ANAPC1: variants seen among roughly 807,000 people sequenced by gnomAD.
ANAPC1 encodes anaphase promoting complex subunit 1.
ANAPC1 carries 36 observed loss-of-function variants against 208.0 expected under a neutral mutation model. The ratio of observed to expected loss-of-function variants is 0.17; its 90% CI spans 0.13 to 0.23. The LOEUF (loss-of-function observed/expected upper bound fraction) is 0.23, where lower values mean the gene tolerates loss of function less well. Ranked by LOEUF, ANAPC1 falls within the 10% of genes least tolerant of loss-of-function variation. The pLI is 1.00. For synonymous variants in ANAPC1, 378 were observed against 695.2 expected, an observed-to-expected ratio of 0.54 and a Z score of 7.18; for missense variants, 942 against 2,011.6, an observed-to-expected ratio of 0.47 and a Z score of 10.17.
chr2:111,864,327 A>G (rs868064984), intron 8 of ANAPC1, among the ~76,000 whole-genome samples: 1 of 111,648 alleles, frequency 9.0e-6, no homozygotes, highest in Non-Finnish European at 1.9e-5. Flanking sequence ...CCCTGTCTCT[A>G]GAGATGATGA....
intron 13 of ANAPC1, among the ~76,000 whole-genome samples, chr2:111,855,886 C>CATA (rs1253098237): frequency 6.6e-6 from 1 of 152,088 alleles, no homozygotes; most frequent in Non-Finnish European, 1.5e-5. Context: ...ATTTAAATTT[C>CATA]ATAATTTAAA....
At chr2:111,794,157 A>T in intron 36 of ANAPC1, 26 bp from the exon 37 acceptor site, 1 of 1,467,134 alleles carries the variant, frequency 6.8e-7, no homozygotes, top group Non-Finnish European at 9.2e-7. Flanking sequence ...AAAAAATTCC[A>T]AGTTATAAGA....
In ANAPC1 at chr2:111,843,820, C is replaced by CTTTTTTTT. The variant is rs369036574; in HGVS notation, c.1853-229_1853-222dup. Reference sequence around the variant, plus strand: ...AGGCTTGAAAGGGGTCTGAAGACAGCTTTTTTTTTTTTTTTTTTTTTTGAG... The same window carrying CTTTTTTTT: ...AGGCTTGAAAGGGGTCTGAAGACAGCTTTTTTTTTTTTTTTTTTTTTTTTTTTTTTGAG... On this transcript the variant is annotated intron_variant, in intron 16 of 47. Transcript: ENST00000341068. Among the ~76,000 whole-genome samples, 595 of 86,806 alleles carry CTTTTTTTT rather than the reference C, an allele frequency of 6.9e-3. 39 individuals carry two copies. The highest frequency in any genetic ancestry group is 7.9e-3 in the Admixed American group (47 of 5,932). The allele number at this position is 86,806 out of a possible 152,430, so 56.9% of individuals were successfully genotyped here.
chr2:111,799,230 C>A (rs1243003818), intron 34 of ANAPC1, among the ~76,000 whole-genome samples: 1 of 152,048 alleles, frequency 6.6e-6, no homozygotes, highest in Non-Finnish European at 1.5e-5. Context: ...CAGAGAAATG[C>A]AAATTTAAAC....
In ANAPC1 at chr2:111,776,265, A is replaced by C. The variant is rs147604507; in HGVS notation, c.5584+594T>G. 4.8e-3 allele frequency among the ~76,000 whole-genome samples: 732 copies of C among 151,888 alleles called. 2 individuals carry two copies. The highest frequency in any genetic ancestry group is 0.017 in the African/African-American group (706 of 41,356). On this transcript the variant is annotated intron_variant, in intron 46 of 47. Transcript: ENST00000341068. ...AGTTTCAGGTGTATTTAACACACAG[A>C]TACATTTCCATAAATCTAAAGGCCC... is the stretch of plus-strand genomic sequence containing the variant.
chr2:111,816,278 A>T lies in ANAPC1; in HGVS notation c.3326-637T>A, dbSNP rs187534020. Among the ~76,000 whole-genome samples the T allele has an allele frequency of 1.7e-4, 26 of 149,172 alleles. No homozygotes were observed. The East Asian group carries it at 5.1e-3, about 29-fold the overall frequency. ...GACTGCATCTCAAAAAAGAAAAAAA[A>T]AAAAGGAAACAAGAACCTTAATAAA... On this transcript the variant is annotated intron_variant, in intron 27 of 47. Transcript: ENST00000341068.
Position 111,832,453 on chromosome 2 carries a change from TAC to T in ANAPC1, c.2476+765_2476+766del, listed in dbSNP as rs551051364. 4.9e-3 allele frequency among the ~76,000 whole-genome samples: 749 copies of T among 152,280 alleles called. 4 individuals carry two copies. Among genetic ancestry groups the T allele is most frequent in the African/African-American group, 0.017 (723 of 41,554 alleles). On this transcript the variant is annotated intron_variant, in intron 20 of 47. Transcript: ENST00000341068. ...ACCTTTAGCTCAGGGTCTAGGATAG[TAC>T]AGTGGTGATGGAGATGTTCTGTGTC...
rs1270434348 is a variant in ANAPC1, at chr2:111,858,320, G to C, written c.1344C>G (p.Ser448=). 6.2e-7 allele frequency: 1 copy of C among 1,613,352 alleles called. No homozygotes were observed. Among genetic ancestry groups the C allele is most frequent in the Non-Finnish European group, 8.5e-7 (1 of 1,179,542 alleles). The change falls in exon 11 of 48, where the codon TCC becomes TCG. Residue 448 remains serine, a synonymous_variant. Coordinates refer to ENST00000341068, the MANE Select transcript of ANAPC1 (RefSeq NM_022662.4). ...CATACACCTACCGTAACTGGAGCTG[G>C]GACTCTACTAAAAAGCACAGGAACT... The part of the protein sequence containing the change: ...GQKFLCFLVE[S]QLQLRCVKFQ...
intron 18 of ANAPC1, among the ~76,000 whole-genome samples, chr2:111,835,674 T>TA (rs199729086): frequency 0.12 from 18,105 of 151,696 alleles, 1,373 homozygotes; most frequent in Non-Finnish European, 0.16. Context: ...CCATCACTTC[T>TA]AAAAAAATAC....
chr2:111,823,356 A>T (rs1679652874), intron 24 of ANAPC1, among the ~76,000 whole-genome samples: 1 of 152,078 alleles, frequency 6.6e-6, no homozygotes, highest in African/African-American at 2.4e-5. Context: ...ATGGTAGTGT[A>T]AACTGGTACA....
intron 14 of ANAPC1, 39 bp from the exon 15 acceptor site, chr2:111,847,904 T>C (rs774436626): frequency 6.7e-7 from 1 of 1,501,376 alleles, no homozygotes; most frequent in Non-Finnish European, 8.9e-7. Context: ...TGAATTGTTT[T>C]CTGAGAAATT....
At chr2:111,797,699 T>A (rs1678232338) in intron 34 of ANAPC1, among the ~76,000 whole-genome samples, 2 of 151,058 alleles carry the variant, frequency 1.3e-5, no homozygotes, top group African/African-American at 4.9e-5. Context: ...GGTAAACTAT[T>A]TCTAAAAGGG....
rs1207442339 is a variant in ANAPC1 at position 111,829,592 on chromosome 2, T to C, written c.2625+1694A>G. 5.3e-5 allele frequency among the ~76,000 whole-genome samples: 8 copies of C among 152,282 alleles called. No individual in the cohort carries two copies. In the East Asian group the frequency reaches 1.5e-3, roughly 29 times the overall value. On this transcript the variant is annotated intron_variant, in intron 21 of 47. Coordinates refer to ENST00000341068, the MANE Select transcript of ANAPC1 (RefSeq NM_022662.4). ...CTTATTCACCGTTACAGCCCTATGG[T>C]TCTATATGAAGGTTTGATCTTGGAC...
chr2:111,824,868 T>G, intron 24 of ANAPC1, 98 bp downstream of exon 24: 3 of 1,357,040 alleles, frequency 2.2e-6, no homozygotes, highest in South Asian at 1.3e-5. Context: ...TTGTGAGGCC[T>G]TTTCACAAAG....
At chr2:111,795,054 G>A (rs1353359890) in intron 34 of ANAPC1, 160 bp from the exon 35 acceptor site, 6 of 646,474 alleles carry the variant, frequency 9.3e-6, no homozygotes, top group Admixed American at 6.4e-5. Flanking sequence ...CTCATTGAAT[G>A]TAATCAAATT....
chr2:111,847,377 T>C (rs1451430110), intron 15 of ANAPC1, among the ~76,000 whole-genome samples, 179 bp from the exon 16 acceptor site: 2 of 152,200 alleles, frequency 1.3e-5, no homozygotes, highest in Non-Finnish European at 1.5e-5. Flanking sequence ...ATTTGCAAAA[T>C]GTTTTCCAAA....
intron 3 of ANAPC1, among the ~76,000 whole-genome samples, chr2:111,873,900 G>C (rs569767206): frequency 6.6e-6 from 1 of 151,598 alleles, no homozygotes; most frequent in Non-Finnish European, 1.5e-5. Flanking sequence ...AGATCCATAG[G>C]AATTAAAATT....
intron 14 of ANAPC1, among the ~76,000 whole-genome samples, chr2:111,848,396 T>C (rs925871749): frequency 2.7e-5 from 4 of 150,024 alleles, no homozygotes; most frequent in African/African-American, 4.9e-5. Context: ...GAGGAACATA[T>C]GGAAAGGCTG....
chr2:111,835,438 T>C (rs1473645896), intron 18 of ANAPC1, among the ~76,000 whole-genome samples: 3 of 152,254 alleles, frequency 2.0e-5, no homozygotes, highest in Non-Finnish European at 4.4e-5. Context: ...ATGTGGTTTA[T>C]GCTATTTCCA....
Sources: gnomAD v4.1 joint callset for allele counts (sites outside exome capture counted in the v4.1 genomes callset) on GRCh38, gnomAD v4.1.1 for gene constraint, MANE v1.5 for transcripts, NCBI Gene and HGNC (gene_info 2026-07-23, HGNC 2026-07-21) for gene names.